The following COBL variants were observed in gnomAD, a reference collection of about 807,000 sequenced individuals.
COBL encodes protein cordon-bleu.
COBL carries 51 observed loss-of-function variants against 98.8 expected under a neutral mutation model. The ratio of observed to expected loss-of-function variants is 0.52; its 90% CI spans 0.41 to 0.65. The LOEUF is 0.65. Among genes scored for constraint, COBL ranks in the 30% least tolerant of loss-of-function variants. The pLI is 0.00. For missense variants in COBL, 1,617 were observed against 1,617.5 expected, an observed-to-expected ratio of 1.00 and a Z score of 0.01; for synonymous variants, 634 against 651.7, an observed-to-expected ratio of 0.97 and a Z score of 0.41.
chr7:51,084,635 T>A (rs1331293259), intron 7 of COBL, among the ~76,000 whole-genome samples: 2 of 152,086 alleles, frequency 1.3e-5, no homozygotes, highest in Non-Finnish European at 2.9e-5. Context: ...AATTCCATCT[T>A]CTTTCCTCTG....
chr7:51,045,988 A>G (rs1305114531), intron 7 of COBL, among the ~76,000 whole-genome samples: 1 of 152,190 alleles, frequency 6.6e-6, no homozygotes, highest in Non-Finnish European at 1.5e-5. Context: ...CCATGTGGAT[A>G]ATCTTCCCAT....
At chr7:51,122,029 A>G (rs976783573) in intron 6 of COBL, among the ~76,000 whole-genome samples, 3 of 152,186 alleles carry the variant, frequency 2.0e-5, no homozygotes, top group Admixed American at 6.5e-5. Flanking sequence ...CACTTCCTCC[A>G]TGTTGCTAAA....
chr7:51,129,116 C>CT (rs1000268165), intron 6 of COBL, among the ~76,000 whole-genome samples: 2 of 152,118 alleles, frequency 1.3e-5, no homozygotes, highest in African/African-American at 2.4e-5. Flanking sequence ...TGAAATCATG[C>CT]TTTTTTCACT....
chr7:51,310,318 G>C (rs1052076545), intron 1 of COBL, among the ~76,000 whole-genome samples: 11 of 152,198 alleles, frequency 7.2e-5, no homozygotes, highest in Admixed American at 2.0e-4. Context: ...GCGTGGAGAA[G>C]GAGCAATTTC....
chr7:51,040,304 T>C (rs564787840), intron 8 of COBL, among the ~76,000 whole-genome samples: 11 of 151,594 alleles, frequency 7.3e-5, no homozygotes, highest in Admixed American at 4.6e-4. Flanking sequence ...AGTAATTCCA[T>C]GCAAGGGCAG....
chr7:51,126,050 T>C (rs1187151784), intron 6 of COBL, among the ~76,000 whole-genome samples: 1 of 152,218 alleles, frequency 6.6e-6, no homozygotes, highest in Non-Finnish European at 1.5e-5. Context: ...GTGTTCAGGC[T>C]GAGTGTGGTG....
At chr7:51,201,034 T>C (rs1447011561) in intron 2 of COBL, among the ~76,000 whole-genome samples, 1 of 151,270 alleles carries the variant, frequency 6.6e-6, no homozygotes. Context: ...ATGTCAGGAG[T>C]TCGAGACCAG....
At chr7:51,046,366 G>A (rs773810709) in intron 7 of COBL, among the ~76,000 whole-genome samples, 21 of 152,304 alleles carry the variant, frequency 1.4e-4, no homozygotes, top group Admixed American at 8.5e-4. Context: ...CTGTCAGAGA[G>A]AGCACAGATC....
intron 7 of COBL, 68 bp from the exon 8 acceptor site, chr7:51,043,760 G>T: frequency 7.2e-7 from 1 of 1,387,678 alleles, no homozygotes; most frequent in Non-Finnish European, 9.9e-7. Context: ...TAACAAGTGT[G>T]ACATCAGTCT....
chr7:51,090,849 AG>A (rs1339996978), intron 6 of COBL, among the ~76,000 whole-genome samples: 1 of 152,284 alleles, frequency 6.6e-6, no homozygotes, highest in Non-Finnish European at 1.5e-5. Context: ...AGAAAATAAG[AG>A]AGCTCAGAAG....
At chr7:51,049,300 C>T (rs1021511120) in intron 7 of COBL, among the ~76,000 whole-genome samples, 1 of 152,108 alleles carries the variant, frequency 6.6e-6, no homozygotes, top group Non-Finnish European at 1.5e-5. Context: ...AAAGTGCACC[C>T]CAGTGAGTTT....
chr7:51,052,054 A>G lies in COBL; in HGVS notation c.1097-8362T>C, dbSNP rs536723165. 1.2e-4 allele frequency among the ~76,000 whole-genome samples: 19 copies of G among 152,346 alleles called. No individual in the cohort carries two copies. In the South Asian group the frequency reaches 3.9e-3, roughly 32 times the overall value. ...AGCTCAACACTGATATTTGCAAACC[A>G]CATAACGGTAATTGGGTTTTGACAT... On this transcript the variant is annotated intron_variant, in intron 7 of 12. Transcript: ENST00000265136.
chr7:51,039,635 A>G (rs1191788446), intron 8 of COBL, among the ~76,000 whole-genome samples: 1 of 152,280 alleles, frequency 6.6e-6, no homozygotes, highest in Non-Finnish European at 1.5e-5. Flanking sequence ...AATATAGCAC[A>G]GGGAATACTT....
intron 7 of COBL, among the ~76,000 whole-genome samples, chr7:51,055,462 A>C (rs890959417): frequency 6.6e-6 from 1 of 152,200 alleles, no homozygotes. Flanking sequence ...TGGTAGCTAA[A>C]ATTATCACAG....
chr7:51,104,338 T>C (rs1443843556), intron 6 of COBL, among the ~76,000 whole-genome samples: 1 of 152,170 alleles, frequency 6.6e-6, no homozygotes, highest in East Asian at 1.9e-4. Flanking sequence ...CCAAAAAGAT[T>C]ATGAGCCAGA....
intron 5 of COBL, among the ~76,000 whole-genome samples, chr7:51,175,683 A>G (rs886701252): frequency 2.6e-5 from 4 of 152,204 alleles, no homozygotes; most frequent in Non-Finnish European, 4.4e-5. Context: ...GGAAACCAAA[A>G]TATTCCTCTC....
intron 1 of COBL, among the ~76,000 whole-genome samples, chr7:51,293,903 G>C (rs73330638): frequency 6.6e-6 from 1 of 152,184 alleles, no homozygotes; most frequent in Non-Finnish European, 1.5e-5. Context: ...GTCGTCCCAT[G>C]CTCGGTAAGG....
intron 5 of COBL, among the ~76,000 whole-genome samples, chr7:51,164,115 AT>A (rs1262829855): frequency 1.3e-5 from 2 of 151,652 alleles, no homozygotes; most frequent in Admixed American, 1.3e-4. Flanking sequence ...ATTTATTTTC[AT>A]TTTCTCTTTT....
chr7:51,070,236 G>A (rs770339925), intron 7 of COBL, among the ~76,000 whole-genome samples: 100 of 152,258 alleles, frequency 6.6e-4, no homozygotes, highest in Middle Eastern at 3.4e-3. Flanking sequence ...GATAACTCCT[G>A]AGCCTCATTT....
Sources: allele counts gnomAD v4.1 joint callset (sites outside exome capture counted in the v4.1 genomes callset), GRCh38; gene constraint gnomAD v4.1.1; transcripts MANE v1.5; gene names NCBI Gene and HGNC (gene_info 2026-07-23, HGNC 2026-07-21).